The following SLIT1 variants were observed in gnomAD, a reference collection of about 807,000 sequenced individuals.
The protein encoded by SLIT1 is slit guidance ligand 1, also known as slit homolog 1 protein.
Under a neutral mutation model 186.1 loss-of-function variants are expected in SLIT1, and 66 were observed. That is an observed-to-expected ratio of 0.35 (90% CI 0.29 to 0.44). The LOEUF (loss-of-function observed/expected upper bound fraction) is 0.44. SLIT1 is among the 20% of genes least tolerant of loss of function. SLIT1 has a pLI of 1.00. For synonymous variants in SLIT1, 761 were observed against 833.8 expected (o/e 0.91, Z 1.50); for missense variants, 1,638 against 2,037.4 (o/e 0.80, Z 3.77).
intron 4 of SLIT1, among the ~76,000 whole-genome samples, chr10:97,071,410 C>T (rs764143741): frequency 3.9e-5 from 6 of 152,184 alleles, no homozygotes; most frequent in African/African-American, 9.6e-5. Flanking sequence ...TGGGAAGGAA[C>T]GCTGGGCCGG....
At chr10:97,026,650 C>A (rs1589366850) in intron 25 of SLIT1, among the ~76,000 whole-genome samples, 1 of 152,254 alleles carries the variant, frequency 6.6e-6, no homozygotes, top group Non-Finnish European at 1.5e-5. Context: ...TGAGAGGCAA[C>A]AAAATGCCAG....
rs1302838970 is a variant in SLIT1, at chr10:96,999,125, C to G, written c.*1987G>C. On this transcript the variant is annotated 3_prime_UTR_variant, in exon 37 of 37. Transcript: ENST00000266058. Reference sequence around the variant, plus strand: ...AGGGTCCCACGGTGGCCTGGAAACTCAGAGAGGGATGCCATGTGGGCCTGG... The same window carrying G: ...AGGGTCCCACGGTGGCCTGGAAACTGAGAGAGGGATGCCATGTGGGCCTGG... 2.0e-5 allele frequency: 3 copies of G among 152,254 alleles called. No individual in the cohort carries two copies. The highest frequency in any genetic ancestry group is 7.2e-5 in the African/African-American group (3 of 41,416). The allele number at this position is 152,254 out of a possible 1,614,324, so 9.4% of individuals were successfully genotyped here.
intron 4 of SLIT1, chr10:97,102,894 T>C (rs951273446): frequency 6.6e-6 from 1 of 152,212 alleles, no homozygotes; most frequent in African/African-American, 2.4e-5. Context: ...AGGATGTGCA[T>C]GGATCCTAAA....
At chr10:97,114,250 G>A (rs1035958010) in intron 4 of SLIT1, among the ~76,000 whole-genome samples, 2 of 152,188 alleles carry the variant, frequency 1.3e-5, no homozygotes, top group Admixed American at 1.3e-4. Flanking sequence ...CAGAAGCACC[G>A]ACTCCCACTC....
At chr10:97,110,648 C>T (rs1213726091) in intron 4 of SLIT1, among the ~76,000 whole-genome samples, 1 of 152,192 alleles carries the variant, frequency 6.6e-6, no homozygotes. Context: ...ATATATACAT[C>T]TATGTAGCAA....
Position 97,087,771 on chromosome 10 carries a change from G to C in SLIT1, c.414-21685C>G, listed in dbSNP as rs551116625. 3.9e-5 allele frequency among the ~76,000 whole-genome samples: 6 copies of C among 152,258 alleles called. No individual in the cohort carries two copies. The South Asian group carries it at 1.2e-3, about 32-fold the overall frequency. On this transcript the variant is annotated intron_variant, in intron 4 of 36. Coordinates refer to ENST00000266058, the MANE Select transcript of SLIT1 (RefSeq NM_003061.3). ...CTCTAAGCTTGAGCTCCAACTCAGA[G>C]TTACCAGAGCTGGGCGCTGGGGGGA...
rs1023544950 is a variant in SLIT1, at chr10:97,044,758, T to G, written c.1854-1245A>C. On this transcript the variant is annotated intron_variant, in intron 18 of 36. Transcript: ENST00000266058. The stretch of plus-strand genomic sequence containing the variant: ...AATCCCCAAAATGACACTTTGTGTT[T>G]TCACCCGACTACTCCATCTTTAGGA... Among the ~76,000 whole-genome samples, 9 of 152,194 alleles carry G rather than the reference T, an allele frequency of 5.9e-5. No homozygotes were observed. In the East Asian group the frequency reaches 1.7e-3, roughly 29 times the overall value.
At chr10:97,117,047 T>A in intron 4 of SLIT1, among the ~76,000 whole-genome samples, 1 of 151,990 alleles carries the variant, frequency 6.6e-6, no homozygotes, top group Non-Finnish European at 1.5e-5. Flanking sequence ...TCCCTCCCCA[T>A]CCCTAACTAC....
chr10:97,011,981 C>G (rs1848414839), intron 30 of SLIT1, among the ~76,000 whole-genome samples: 1 of 152,136 alleles, frequency 6.6e-6, no homozygotes, highest in East Asian at 1.9e-4. Context: ...GAAGCTCAAC[C>G]ATGCAACCTG....
At chr10:97,005,989 T>C (rs1589360401) in intron 32 of SLIT1, among the ~76,000 whole-genome samples, 1 of 152,246 alleles carries the variant, frequency 6.6e-6, no homozygotes, top group Non-Finnish European at 1.5e-5. Flanking sequence ...ATTGATATAT[T>C]TCATCAATGC....
intron 4 of SLIT1, among the ~76,000 whole-genome samples, chr10:97,147,183 G>A (rs1313511291): frequency 1.3e-5 from 2 of 152,312 alleles, no homozygotes; most frequent in African/African-American, 4.8e-5. Context: ...TCACAGAAGG[G>A]CAAATCCTGT....
At position 97,184,235 on chromosome 10, in the gene SLIT1, G is replaced by C. The variant is rs1479693954; in HGVS notation, c.197+1243C>G. On this transcript the variant is annotated intron_variant, in intron 1 of 36. Coordinates refer to ENST00000266058, the MANE Select transcript of SLIT1 (RefSeq NM_003061.3). The surrounding 1 kb of genome is among the most constrained non-coding windows in gnomAD (Gnocchi z 4.4). ...TCAGATTTCTGTCTCTGACCAGCTG[G>C]GGGCCATGAAAATGTGCTCGAAAGT... is the stretch of plus-strand genomic sequence containing the variant. Among the ~76,000 whole-genome samples the C allele has an allele frequency of 6.6e-6, 1 of 152,128 alleles. No homozygotes were observed. Among genetic ancestry groups the C allele is most frequent in the Non-Finnish European group, 1.5e-5 (1 of 68,032 alleles).
At chr10:97,074,751 AG>A (rs1849030572) in intron 4 of SLIT1, among the ~76,000 whole-genome samples, 1 of 152,078 alleles carries the variant, frequency 6.6e-6, no homozygotes, top group Non-Finnish European at 1.5e-5. Context: ...GGGGGCCGCC[AG>A]GCCCACACCC....
At chr10:97,025,807 C>T (rs1461819103) in intron 25 of SLIT1, among the ~76,000 whole-genome samples, 1 of 152,204 alleles carries the variant, frequency 6.6e-6, no homozygotes, top group African/African-American at 2.4e-5. Flanking sequence ...TTTGCGTAAC[C>T]TGGACTGAAA....
At chr10:97,024,477 G>C (rs192306435) in intron 25 of SLIT1, among the ~76,000 whole-genome samples, 1 of 152,232 alleles carries the variant, frequency 6.6e-6, no homozygotes, top group Non-Finnish European at 1.5e-5. Flanking sequence ...TCAGAAAAGA[G>C]AGCAGGTTCG....
At chr10:97,098,665 G>T (rs1480218813) in intron 4 of SLIT1, among the ~76,000 whole-genome samples, 1 of 152,218 alleles carries the variant, frequency 6.6e-6, no homozygotes, top group Non-Finnish European at 1.5e-5. Flanking sequence ...GACCACTGAA[G>T]ACTTGAAAAC....
intron 8 of SLIT1, 86 bp downstream of exon 8, chr10:97,063,369 G>T: frequency 6.9e-7 from 1 of 1,452,664 alleles, no homozygotes. Context: ...GGCAGGCCAG[G>T]TATTAATGTC....
At chr10:97,100,836 G>A (rs1849345026) in intron 4 of SLIT1, among the ~76,000 whole-genome samples, 1 of 152,208 alleles carries the variant, frequency 6.6e-6, no homozygotes, top group African/African-American at 2.4e-5. Flanking sequence ...GGCCTTAGGT[G>A]ACCACAAGGG....
rs1346322740 is a variant in SLIT1 at position 97,047,077 on chromosome 10, A to G, written c.1635-12T>C. 4 of 1,563,866 alleles carry G rather than the reference A, an allele frequency of 2.6e-6. No homozygotes were observed. The highest frequency in any genetic ancestry group is 3.5e-6 in the Non-Finnish European group (4 of 1,134,460). ...TGTTATTCAATCGCCTGTAAGAGAC[A>G]AGAATGAACTTGCACATTCACAAAT... On this transcript the variant is annotated splice_polypyrimidine_tract_variant and intron_variant, in intron 16 of 36. Transcript: ENST00000266058.
Sources: gnomAD v4.1 joint callset for allele counts (sites outside exome capture counted in the v4.1 genomes callset) on GRCh38, gnomAD v4.1.1 for gene constraint, Gnocchi (gnomAD v3.1) non-coding constraint, MANE v1.5 for transcripts, NCBI Gene and HGNC (gene_info 2026-07-23, HGNC 2026-07-21) for gene names.